Variants in ARHGEF10 observed in about 807,000 individuals in gnomAD.
The protein encoded by ARHGEF10 is Rho guanine nucleotide exchange factor 10.
A neutral mutation model predicts 147.4 loss-of-function variants in ARHGEF10; 140 were observed. The ratio of observed to expected loss-of-function variants is 0.95; its 90% CI spans 0.83 to 1.09. The LOEUF is 1.09. ARHGEF10 is among the 50% of genes least tolerant of loss of function. The pLI, the probability that ARHGEF10 is intolerant of heterozygous loss-of-function variation, is 0.00. For missense variants in ARHGEF10, 2,222 were observed against 1,752.7 expected, an observed-to-expected ratio of 1.27 and a Z score of -4.78; for synonymous variants, 902 against 695.8, an observed-to-expected ratio of 1.30 and a Z score of -4.67.
chr8:1,861,130 C>T (rs73176784), intron 4 of ARHGEF10, among the ~76,000 whole-genome samples: 3,524 of 152,332 alleles, frequency 0.023, 80 homozygotes, highest in Non-Finnish European at 0.039. Context: ...GTCCTCAGCG[C>T]TGACAGCTCC....
At chr8:1,929,688 G>A (rs757229545) in intron 25 of ARHGEF10, among the ~76,000 whole-genome samples, 8 of 152,120 alleles carry the variant, frequency 5.3e-5, no homozygotes, top group African/African-American at 1.9e-4. Context: ...CACTTCTCTC[G>A]GCCTGCCTGT....
In ARHGEF10 at chr8:1,890,872, C is replaced by T. The variant is rs200781346; in HGVS notation, c.1183-2697C>T. Among the ~76,000 whole-genome samples the T allele has an allele frequency of 7.2e-5, 11 of 152,090 alleles. No homozygotes were observed. In the East Asian group the frequency reaches 2.1e-3, roughly 29 times the overall value. The stretch of plus-strand genomic sequence containing the variant: ...TACTGATTTTGGTGGATTTGCTCAG[C>T]GAATTGGCAGTGACTGTTCATTGTT... On this transcript the variant is annotated intron_variant, in intron 11 of 28. Coordinates refer to ENST00000349830, the MANE Select transcript of ARHGEF10 (RefSeq NM_014629.4).
chr8:1,915,490 C>G (rs1373088499), intron 18 of ARHGEF10, among the ~76,000 whole-genome samples: 1 of 152,274 alleles, frequency 6.6e-6, no homozygotes, highest in Admixed American at 6.5e-5. Flanking sequence ...GGCCCAGCCT[C>G]TGTCTGGGGG....
intron 10 of ARHGEF10, among the ~76,000 whole-genome samples, chr8:1,884,237 C>CA (rs1394582273): frequency 3.3e-5 from 5 of 150,678 alleles, no homozygotes; most frequent in East Asian, 1.9e-4. Flanking sequence ...ACTAAAAATA[C>CA]AAAAAAAAAT....
At chr8:1,826,113 G>A (rs1257012246) in intron 1 of ARHGEF10, 1 of 1,594,626 alleles carries the variant, frequency 6.3e-7, no homozygotes, top group South Asian at 1.1e-5. Flanking sequence ...ATAGACAGAT[G>A]AGACCTCCAG....
intron 9 of ARHGEF10, among the ~76,000 whole-genome samples, chr8:1,881,263 C>CTGGGGTCTCACCTGCTCTGCA (rs375423620): frequency 0.024 from 3,679 of 152,232 alleles, 56 homozygotes; most frequent in African/African-American, 0.052. Context: ...GACCTGGAAC[C>CTGGGGTCTCACCTGCTCTGCA]CGGGGTCTCA....
chr8:1,911,609 G>T (rs1423322775), intron 18 of ARHGEF10, among the ~76,000 whole-genome samples: 3 of 152,306 alleles, frequency 2.0e-5, no homozygotes, highest in African/African-American at 7.2e-5. Flanking sequence ...TTGGTGCTGG[G>T]ACTGGCAGGG....
intron 10 of ARHGEF10, among the ~76,000 whole-genome samples, chr8:1,883,108 C>T (rs1054706869): frequency 5.3e-5 from 8 of 152,098 alleles, no homozygotes; most frequent in Non-Finnish European, 8.8e-5. Context: ...GGACTGAGGT[C>T]GTGAGCGTCC....
At position 1,923,837 on chromosome 8, in the gene ARHGEF10, C is replaced by A. The variant is rs771673088; in HGVS notation, c.2451C>A (p.Ser817=). The change falls in exon 21 of 29, where the codon TCC becomes TCA. Residue 817 remains serine (S), a synonymous_variant. Transcript: ENST00000349830. ...FNTFTPAIKE[S]WVNSLQMAKL... ...CGTTCACCCCTGCCATCAAGGAGTC[C>A]TGGGTCAACAGCTTACAGATGGCCA... 2 of 1,614,110 alleles carry A rather than the reference C, an allele frequency of 1.2e-6. No individual in the cohort carries two copies. Among genetic ancestry groups the A allele is most frequent in the East Asian group, 4.5e-5 (2 of 44,874 alleles).
At chr8:1,906,488 G>C (rs1251774815) in intron 17 of ARHGEF10, among the ~76,000 whole-genome samples, 1 of 152,142 alleles carries the variant, frequency 6.6e-6, no homozygotes, top group African/African-American at 2.4e-5. Context: ...GCTGTTAAAC[G>C]TTTGCCAGCA....
At chr8:1,888,206 A>G (rs1563233969) in intron 11 of ARHGEF10, among the ~76,000 whole-genome samples, 6 of 40,408 alleles carry the variant, frequency 1.5e-4, no homozygotes, top group African/African-American at 6.4e-4. Flanking sequence ...GGAGACACTT[A>G]GTGGGGCGAG....
chr8:1,839,844 T>G (rs1803865067), intron 1 of ARHGEF10, among the ~76,000 whole-genome samples: 1 of 147,120 alleles, frequency 6.8e-6, no homozygotes. Context: ...CTGTCTGGTG[T>G]GGAAGCTGTC....
At chr8:1,902,602 C>G (rs1810555868) in intron 15 of ARHGEF10, among the ~76,000 whole-genome samples, 1 of 151,866 alleles carries the variant, frequency 6.6e-6, no homozygotes, top group South Asian at 2.1e-4. Context: ...ACATGCATAG[C>G]CCCCTCCCCC....
intron 4 of ARHGEF10, among the ~76,000 whole-genome samples, chr8:1,862,872 G>A (rs1412138104): frequency 2.0e-5 from 3 of 149,280 alleles, no homozygotes; most frequent in Non-Finnish European, 3.0e-5. Context: ...TCCGCCTCCC[G>A]GGTTCACACC....
chr8:1,903,601 G>T (rs1483520610), intron 16 of ARHGEF10, 150 bp downstream of exon 16: 3 of 924,298 alleles, frequency 3.2e-6, no homozygotes, highest in Non-Finnish European at 5.0e-6. Context: ...AGGCCTTCGG[G>T]AGAGTCACAC....
At chr8:1,953,599 T>C (rs1321324365) in intron 28 of ARHGEF10, among the ~76,000 whole-genome samples, 2 of 149,542 alleles carry the variant, frequency 1.3e-5, no homozygotes, top group African/African-American at 2.5e-5. Context: ...GAACAAAGTA[T>C]GATGCAAGAA....
In ARHGEF10 at chr8:1,957,214, AGCTGGCGCCGACCGTCATGGTCTG is replaced by A; in HGVS notation, c.3989_4012del (p.Leu1330_Trp1337del). ...AAGGCCCGGCAGCCCCACCAGGAAG[AGCTGGCGCCGACCGTCATGGTCTG>A]GCAGATCCCTCTGCTGAATATATAA... On this transcript the variant is annotated inframe_deletion, in exon 29 of 29. Transcript: ENST00000349830. The A allele has an allele frequency of 6.2e-7, 1 of 1,612,130 alleles. No homozygotes were observed. The highest frequency in any genetic ancestry group is 8.5e-7 in the Non-Finnish European group (1 of 1,179,930).
chr8:1,849,588 C>T (rs549536782), intron 2 of ARHGEF10, among the ~76,000 whole-genome samples: 4 of 128,610 alleles, frequency 3.1e-5, no homozygotes, highest in East Asian at 2.5e-4. Flanking sequence ...GGGCCAGCTG[C>T]GTGGACACAG....
Position 1,896,461 on chromosome 8 carries a change from T to G in ARHGEF10, c.1557+12T>G. 1 of 1,586,044 alleles carries G rather than the reference T, an allele frequency of 6.3e-7. No homozygotes were observed. Among genetic ancestry groups the G allele is most frequent in the Non-Finnish European group, 8.7e-7 (1 of 1,155,140 alleles). On this transcript the variant is annotated intron_variant, in intron 14 of 28. Coordinates refer to ENST00000349830, the MANE Select transcript of ARHGEF10 (RefSeq NM_014629.4). ...TTGAATTTTTAAAGGTAAGCGCTTT[T>G]TTTTTTCATTTGGGTTTTAACACCA... is the stretch of plus-strand genomic sequence containing the variant.
Sources: gnomAD v4.1 joint callset for allele counts (sites outside exome capture counted in the v4.1 genomes callset) on GRCh38, gnomAD v4.1.1 for gene constraint, MANE v1.5 for transcripts, NCBI Gene and HGNC (gene_info 2026-07-23, HGNC 2026-07-21) for gene names.